Variants in GABRG3 observed in about 807,000 individuals in gnomAD.
GABRG3 encodes the protein gamma-aminobutyric acid receptor subunit gamma-3.
In GABRG3, 25 loss-of-function variants were observed where a neutral mutation model predicts 48.8. The observed-to-expected ratio is 0.51, with a 90% CI of 0.37 to 0.72. The LOEUF is 0.72. Among genes scored for constraint, GABRG3 ranks in the 30% least tolerant of loss-of-function variants. The probability of loss-of-function intolerance (pLI) is 0.00; values close to 1 mark genes in which losing one functional copy is unlikely to be tolerated. For synonymous variants in GABRG3, 227 were observed against 217.6 expected (o/e 1.04, Z -0.38); for missense variants, 394 against 577.9 (o/e 0.68, Z 3.26).
intron 5 of GABRG3, among the ~76,000 whole-genome samples, chr15:27,429,329 G>C (rs146678887): frequency 2.0e-5 from 3 of 152,132 alleles, no homozygotes; most frequent in Admixed American, 1.3e-4. Context: ...CTTACATGGC[G>C]ATGAGTCCTT....
intron 3 of GABRG3, among the ~76,000 whole-genome samples, chr15:27,276,338 G>C (rs186983326): frequency 2.0e-5 from 3 of 152,160 alleles, no homozygotes; most frequent in Non-Finnish European, 4.4e-5. Context: ...GACAGATCCC[G>C]AATATGCTGT....
At chr15:27,109,654 G>A (rs1881510564) in intron 3 of GABRG3, among the ~76,000 whole-genome samples, 2 of 152,186 alleles carry the variant, frequency 1.3e-5, no homozygotes, top group Non-Finnish European at 1.5e-5. Context: ...AGGCTGAGGT[G>A]GGCGAATCAC....
At chr15:27,085,527 T>C (rs1897061416) in intron 3 of GABRG3, among the ~76,000 whole-genome samples, 1 of 152,206 alleles carries the variant, frequency 6.6e-6, no homozygotes, top group African/African-American at 2.4e-5. Flanking sequence ...TACTGCAAAA[T>C]TTCATTTTAA....
chr15:27,244,237 T>C (rs1890210192), intron 3 of GABRG3, among the ~76,000 whole-genome samples: 1 of 152,130 alleles, frequency 6.6e-6, no homozygotes, highest in Non-Finnish European at 1.5e-5. Context: ...GGTTTACATA[T>C]GGAATGAAAT....
intron 3 of GABRG3, among the ~76,000 whole-genome samples, chr15:27,248,949 C>T (rs368723793): frequency 5.3e-5 from 8 of 152,126 alleles, no homozygotes; most frequent in East Asian, 1.9e-4. Context: ...CGACTGGCCC[C>T]GGAGGCTGAG....
At chr15:27,167,952 G>A (rs57736198) in intron 3 of GABRG3, among the ~76,000 whole-genome samples, 4,296 of 152,238 alleles carry the variant, frequency 0.028, 212 homozygotes, top group African/African-American at 0.098. Context: ...AGGCTCCCTC[G>A]CAGTCAGATG....
intron 3 of GABRG3, among the ~76,000 whole-genome samples, chr15:27,170,846 G>C (rs902542127): frequency 6.6e-6 from 1 of 152,154 alleles, no homozygotes; most frequent in Non-Finnish European, 1.5e-5. Context: ...AAATGGAAAG[G>C]CTGATGTAAA....
chr15:27,321,204 T>C (rs1595675470), intron 3 of GABRG3, among the ~76,000 whole-genome samples: 1 of 152,356 alleles, frequency 6.6e-6, no homozygotes, highest in Middle Eastern at 3.4e-3. Flanking sequence ...GTGCGGGGCC[T>C]TCACAGGGCT....
intron 3 of GABRG3, among the ~76,000 whole-genome samples, chr15:27,196,551 T>C (rs1419744961): frequency 3.9e-5 from 6 of 152,228 alleles, no homozygotes; most frequent in Non-Finnish European, 8.8e-5. Context: ...CTCTCTGCCT[T>C]TTCTCCTTTC....
chr15:27,281,895 T>C (rs2140480041), intron 3 of GABRG3, among the ~76,000 whole-genome samples: 1 of 152,312 alleles, frequency 6.6e-6, no homozygotes, highest in African/African-American at 2.4e-5. Flanking sequence ...TCCCTTTCTG[T>C]TTGATAAATT....
chr15:26,990,823 A>C (rs1226119116), intron 2 of GABRG3, among the ~76,000 whole-genome samples: 1 of 132,270 alleles, frequency 7.6e-6, no homozygotes, highest in Non-Finnish European at 1.5e-5. Context: ...TTTTTTTTTT[A>C]AGACAGAGTC....
chr15:27,065,554 G>A (rs191850616), intron 3 of GABRG3, among the ~76,000 whole-genome samples: 11 of 152,310 alleles, frequency 7.2e-5, no homozygotes, highest in African/African-American at 2.6e-4. Context: ...TATCCCCTGG[G>A]TTTGGACCAG....
intron 2 of GABRG3, among the ~76,000 whole-genome samples, chr15:26,993,280 C>A (rs1381944432): frequency 2.6e-5 from 4 of 151,784 alleles, no homozygotes; most frequent in Admixed American, 2.6e-4. Context: ...TTTTCTAGTT[C>A]TTTAGAGATA....
chr15:27,077,430 AC>A (rs1440957212), intron 3 of GABRG3, among the ~76,000 whole-genome samples: 1 of 150,918 alleles, frequency 6.6e-6, no homozygotes, highest in Admixed American at 6.6e-5. Flanking sequence ...CTGGACTCTT[AC>A]TCTCTCATTT....
chr15:27,336,765 A>T lies in GABRG3; in HGVS notation c.574+7877A>T, dbSNP rs537334348. On this transcript the variant is annotated intron_variant, in intron 5 of 9. Coordinates refer to ENST00000615808, the MANE Select transcript of GABRG3 (RefSeq NM_033223.5). ...TAGCCTCAAACCAGAAACAGCCCTC[A>T]TGTTCTTCAGTGGTTAATGGTTAAG... 2.0e-5 allele frequency among the ~76,000 whole-genome samples: 3 copies of T among 152,340 alleles called. No homozygotes were observed. The South Asian group carries it at 6.2e-4, about 32-fold the overall frequency.
intron 3 of GABRG3, among the ~76,000 whole-genome samples, chr15:27,310,471 A>G (rs7496657): frequency 0.45 from 68,074 of 151,880 alleles, 18,180 homozygotes; most frequent in Non-Finnish European, 0.61. Context: ...GAGAGAAATT[A>G]AAAGAGACCT....
intron 3 of GABRG3, among the ~76,000 whole-genome samples, chr15:27,283,915 A>G (rs758041072): frequency 4.6e-5 from 7 of 152,208 alleles, no homozygotes; most frequent in Non-Finnish European, 8.8e-5. Context: ...AGATAAGTCT[A>G]TTTCATCTTC....
chr15:27,153,550 T>G (rs1898362782), intron 3 of GABRG3, among the ~76,000 whole-genome samples: 1 of 152,204 alleles, frequency 6.6e-6, no homozygotes, highest in Non-Finnish European at 1.5e-5. Context: ...CAATTCGTGT[T>G]AAACTTACAC....
intron 3 of GABRG3, among the ~76,000 whole-genome samples, chr15:27,150,582 C>T (rs1468837863): frequency 6.6e-6 from 1 of 152,220 alleles, no homozygotes; most frequent in East Asian, 1.9e-4. Flanking sequence ...ACAACAACTT[C>T]TATCAACTAC....
Sources: gnomAD v4.1 joint callset for allele counts (sites outside exome capture counted in the v4.1 genomes callset) on GRCh38, gnomAD v4.1.1 for gene constraint, MANE v1.5 for transcripts, NCBI Gene and HGNC (gene_info 2026-07-23, HGNC 2026-07-21) for gene names.